Variants in HSPH1 observed in about 807,000 individuals in gnomAD.
HSPH1 encodes the protein heat shock protein family H (Hsp110) member 1.
In HSPH1, 40 loss-of-function variants were observed where a neutral mutation model predicts 100.0. That is an observed-to-expected ratio of 0.40 (90% CI 0.31 to 0.52). The LOEUF is 0.52. HSPH1 is among the 20% of genes least tolerant of loss of function. The pLI is 0.54. For synonymous variants in HSPH1, 403 were observed against 344.0 expected, an observed-to-expected ratio of 1.17 and a Z score of -1.90; for missense variants, 876 against 1,015.1, an observed-to-expected ratio of 0.86 and a Z score of 1.86.
intron 6 of HSPH1, 53 bp downstream of exon 6, chr13:31,151,556 A>G (rs1371550494): frequency 6.5e-7 from 1 of 1,535,424 alleles, no homozygotes. Context: ...CAGTAGCTTA[A>G]AGTCACAACA....
At position 31,150,903 on chromosome 13, in the gene HSPH1, C is replaced by T. The variant is rs1381628922; in HGVS notation, c.908+44G>A. 3 of 1,561,844 alleles carry T rather than the reference C, an allele frequency of 1.9e-6. No individual in the cohort carries two copies. In the African/African-American group the frequency reaches 4.1e-5, roughly 21 times the overall value. On this transcript the variant is annotated intron_variant, in intron 7 of 17. Coordinates refer to ENST00000320027, the MANE Select transcript of HSPH1 (RefSeq NM_006644.4). ...AGAACTGACACCTGGGCTACAGTTT[C>T]AAAAGAAGTTCCATCTATTTAATCT... is the stretch of plus-strand genomic sequence containing the variant.
At chr13:31,157,245 C>T (rs965547616) in intron 2 of HSPH1, among the ~76,000 whole-genome samples, 8 of 152,168 alleles carry the variant, frequency 5.3e-5, no homozygotes, top group African/African-American at 1.9e-4. Context: ...AAGGATGCAA[C>T]AGAATTTTAG....
At chr13:31,144,128 CAG>C (rs1316790026) in intron 11 of HSPH1, among the ~76,000 whole-genome samples, 2 of 152,116 alleles carry the variant, frequency 1.3e-5, no homozygotes, top group African/African-American at 4.8e-5. Context: ...CTTTGAATGA[CAG>C]TAGTTAATAT....
intron 14 of HSPH1, 125 bp from the exon 15 acceptor site, chr13:31,139,232 T>G (rs1955999563): frequency 1.5e-6 from 1 of 658,800 alleles, no homozygotes; most frequent in Non-Finnish European, 2.7e-6. Flanking sequence ...TTGGCTTCTC[T>G]GCCTTGTTAC....
rs1193472552 is a variant in HSPH1 at position 31,154,714 on chromosome 13, C to T, written c.348G>A (p.Gln116=). 2 of 1,613,622 alleles carry T rather than the reference C, an allele frequency of 1.2e-6. No individual in the cohort carries two copies. The highest frequency in any genetic ancestry group is 1.3e-5 in the African/African-American group (1 of 74,922). The change falls in exon 4 of 18, where the codon CAG becomes CAA. Residue 116 remains glutamine, a synonymous_variant. Coordinates refer to ENST00000320027, the MANE Select transcript of HSPH1 (RefSeq NM_006644.4). The part of the protein sequence containing the change: ...MGEEHLFSVE[Q]ITAMLLTKLK... The stretch of plus-strand genomic sequence containing the variant: ...GCTTAGTCAACAACATGGCTGTTAT[C>T]TGCTCCACACTAAATAGATGTTCTT...
chr13:31,140,335 T>A (rs752877054), intron 13 of HSPH1, 26 bp from the exon 14 acceptor site: 43 of 1,600,906 alleles, frequency 2.7e-5, no homozygotes, highest in Non-Finnish European at 3.5e-5. Flanking sequence ...AAAGGTTAAT[T>A]CCAGTCTTCT....
In HSPH1 at chr13:31,135,630, G is replaced by A. The variant is rs1955865304; in HGVS notation, c.*1688C>T. On this transcript the variant is annotated 3_prime_UTR_variant, in exon 18 of 18. Transcript: ENST00000320027. The stretch of plus-strand genomic sequence containing the variant: ...AGCACCTATCAGACGTACAAATGAC[G>A]AGCTACCTGGTCTAGATGGAATGAA... The A allele has an allele frequency of 6.6e-6, 1 of 152,142 alleles. No individual in the cohort carries two copies. Among genetic ancestry groups the A allele is most frequent in the Non-Finnish European group, 1.5e-5 (1 of 68,036 alleles). 9.4% of individuals were successfully genotyped at this position (152,142 alleles called of 1,614,324 possible). A position where few individuals can be genotyped will look rare whatever the true frequency, so the allele number is the denominator to read the frequency against.
intron 13 of HSPH1, 134 bp downstream of exon 13, chr13:31,140,987 CT>C (rs1462194933): frequency 3.7e-6 from 2 of 544,690 alleles, no homozygotes; most frequent in Non-Finnish European, 6.0e-6. Flanking sequence ...TTAGTTTTGT[CT>C]TCATCCTATC....
chr13:31,158,707 T>C (rs1041690924), intron 2 of HSPH1, 99 bp downstream of exon 2: 5 of 746,090 alleles, frequency 6.7e-6, no homozygotes, highest in African/African-American at 3.5e-5. Flanking sequence ...CAAAAATACA[T>C]AAACTTAGGC....
At chr13:31,142,448 A>G (rs947116371) in intron 12 of HSPH1, among the ~76,000 whole-genome samples, 5 of 152,036 alleles carry the variant, frequency 3.3e-5, no homozygotes, top group African/African-American at 1.2e-4. Flanking sequence ...CCTTCAATAC[A>G]TTATGCATGC....
chr13:31,147,835 T>A (rs1317571342), intron 10 of HSPH1, 124 bp downstream of exon 10: 3 of 786,466 alleles, frequency 3.8e-6, no homozygotes, highest in Admixed American at 5.7e-5. Context: ...ACAGAAAATG[T>A]CTTCACACAG....
intron 14 of HSPH1, 95 bp downstream of exon 14, chr13:31,140,089 C>T: frequency 3.3e-6 from 4 of 1,214,902 alleles, no homozygotes; most frequent in Non-Finnish European, 4.5e-6. Flanking sequence ...GTTTAAGTTA[C>T]ATAATTGAGT....
At position 31,135,240 on chromosome 13, in the gene HSPH1, A is replaced by G. The variant is rs1023545511; in HGVS notation, c.*2078T>C. 1 of 152,224 alleles carries G rather than the reference A, an allele frequency of 6.6e-6. No homozygotes were observed. Among genetic ancestry groups the G allele is most frequent in the Admixed American group, 6.5e-5 (1 of 15,284 alleles). 9.4% of individuals were successfully genotyped at this position (152,224 alleles called of 1,614,324 possible). On this transcript the variant is annotated 3_prime_UTR_variant, in exon 18 of 18. Coordinates refer to ENST00000320027, the MANE Select transcript of HSPH1 (RefSeq NM_006644.4). ...CTGACTGATGCTCCCTCCCGTCATC[A>G]GGTTCTATTTTAGGACAGGAGGAAA...
rs1956931140 is a variant in HSPH1, at chr13:31,161,838, C to T, written c.-256G>A. The T allele has an allele frequency of 1.4e-6, 2 of 1,477,054 alleles. No individual in the cohort carries two copies. The highest frequency in any genetic ancestry group is 1.4e-5 in the African/African-American group (1 of 71,510). The allele number at this position is 1,477,054 out of a possible 1,614,324, so 91.5% of individuals were successfully genotyped here. A position where few individuals can be genotyped will look rare whatever the true frequency, so the allele number is the denominator to read the frequency against. ...GGCTCAGCCTCCGCAGGTCGCTCCGCACCTCGGGTTGCCTGCCTCACTCTG... is the reference window on the plus strand; with the variant it reads ...GGCTCAGCCTCCGCAGGTCGCTCCGTACCTCGGGTTGCCTGCCTCACTCTG... On this transcript the variant is annotated 5_prime_UTR_variant, in exon 1 of 18. Transcript: ENST00000320027.
upstream of HSPH1, chr13:31,162,327 G>A (rs1283776973): frequency 5.2e-6 from 3 of 581,144 alleles, no homozygotes; most frequent in East Asian, 2.9e-5. Flanking sequence ...CCGGGATGGT[G>A]GGGAGGCCGG....
chr13:31,149,276 T>C (rs1386159624), intron 8 of HSPH1, among the ~76,000 whole-genome samples: 1 of 151,800 alleles, frequency 6.6e-6, no homozygotes, highest in Admixed American at 6.6e-5. Flanking sequence ...ACAAAGGCAG[T>C]CAGTCACTCT....
rs1315269433 is a variant in HSPH1 at position 31,145,603 on chromosome 13, T to G, written c.1544A>C (p.Glu515Ala). Residue 515 changes from glutamate to alanine, a missense_variant, in exon 11 of 18, where the codon GAG (glutamate) becomes GCG (alanine). Glu to Ala is a moderately radical substitution (Grantham distance 107, BLOSUM62 -1). Coordinates refer to ENST00000320027, the MANE Select transcript of HSPH1 (RefSeq NM_006644.4). Reference protein sequence around the residue: ...ENEMSSEADMECLNQRPPENP... With the variant: ...ENEMSSEADMACLNQRPPENP... ...TTCTGGTGGTCTCTGATTCAGACAC[T>G]CCATGTCAGCTTCAGAAGACATTTC... 6.2e-7 allele frequency: 1 copy of G among 1,613,420 alleles called. No homozygotes were observed. The highest frequency in any genetic ancestry group is 8.5e-7 in the Non-Finnish European group (1 of 1,179,738).
chr13:31,157,511 C>T (rs1040363169), intron 2 of HSPH1, among the ~76,000 whole-genome samples: 3 of 152,182 alleles, frequency 2.0e-5, no homozygotes, highest in African/African-American at 4.8e-5. Context: ...TCTTATTAAA[C>T]ATAAGCATTT....
chr13:31,140,553 T>TAAAAAAAAAAAAAAAA, intron 13 of HSPH1: 1 of 157,698 alleles, frequency 6.3e-6, no homozygotes, highest in Non-Finnish European at 1.3e-5. Flanking sequence ...TATTTAATGC[T>TAAAAAAAAAAAAAAAA]AAAAAAAAAA....
Sources: gnomAD v4.1 joint callset for allele counts (sites outside exome capture counted in the v4.1 genomes callset) on GRCh38, gnomAD v4.1.1 for gene constraint, MANE v1.5 for transcripts, NCBI Gene and HGNC (gene_info 2026-07-23, HGNC 2026-07-21) for gene names.